FGF14: variants seen among roughly 807,000 people sequenced by gnomAD.
FGF14 encodes fibroblast growth factor 14.
FGF14 carries 5 observed loss-of-function variants against 25.5 expected under a neutral mutation model. The ratio of observed to expected loss-of-function variants is 0.20; its 90% CI spans 0.10 to 0.41. The LOEUF (loss-of-function observed/expected upper bound fraction) is 0.41, where lower values mean the gene tolerates loss of function less well. Ranked by LOEUF, FGF14 falls within the 10% of genes least tolerant of loss-of-function variation. FGF14 has a pLI of 1.00. For synonymous variants in FGF14, 138 were observed against 118.3 expected, an observed-to-expected ratio of 1.17 and a Z score of -1.08; for missense variants, 222 against 320.1, an observed-to-expected ratio of 0.69 and a Z score of 2.34.
At chr13:102,017,448 T>A (rs1462956010) in intron 1 of FGF14, among the ~76,000 whole-genome samples, 1 of 152,212 alleles carries the variant, frequency 6.6e-6, no homozygotes, top group Non-Finnish European at 1.5e-5. Context: ...CATTTACTGC[T>A]AGCATCCAGT....
intron 1 of FGF14, among the ~76,000 whole-genome samples, chr13:102,098,077 T>A (rs571996529): frequency 2.0e-5 from 3 of 152,300 alleles, no homozygotes; most frequent in Admixed American, 2.0e-4. Flanking sequence ...CTGAGTCCCA[T>A]CTCCAGCATT....
At chr13:101,805,149 G>A (rs2041123403) in intron 3 of FGF14, among the ~76,000 whole-genome samples, 1 of 152,086 alleles carries the variant, frequency 6.6e-6, no homozygotes, top group African/African-American at 2.4e-5. Flanking sequence ...AGTCTCAAAT[G>A]TTTGCTGTAT....
At chr13:102,262,789 T>C (rs1008314794) in intron 1 of FGF14, among the ~76,000 whole-genome samples, 1 of 152,202 alleles carries the variant, frequency 6.6e-6, no homozygotes, top group Non-Finnish European at 1.5e-5. Flanking sequence ...TTTATTTTGA[T>C]GCTTTTATTT....
intron 1 of FGF14, among the ~76,000 whole-genome samples, chr13:102,027,238 T>A (rs751418476): frequency 6.6e-6 from 1 of 150,906 alleles, no homozygotes; most frequent in Admixed American, 6.6e-5. Flanking sequence ...GACACACACA[T>A]ACACACACAC....
chr13:101,838,996 A>C (rs2043068384), intron 3 of FGF14, among the ~76,000 whole-genome samples: 1 of 151,970 alleles, frequency 6.6e-6, no homozygotes, highest in African/African-American at 2.4e-5. Context: ...AGATGCCCAG[A>C]CCCTTTCCCA....
At position 101,722,162 on chromosome 13, in the gene FGF14, T is replaced by C. The variant is rs1291364844; in HGVS notation, c.*669A>G. The stretch of plus-strand genomic sequence containing the variant: ...AGTATCTGCTACTGGACAGAGCGTA[T>C]ATGTGTGTTTAATCGATAGTGTGAG... On this transcript the variant is annotated 3_prime_UTR_variant, in exon 5 of 5. Coordinates refer to ENST00000376143, the MANE Select transcript of FGF14 (RefSeq NM_004115.4). The C allele has an allele frequency of 6.1e-6, 1 of 164,940 alleles. No individual in the cohort carries two copies. Among genetic ancestry groups the C allele is most frequent in the East Asian group, 1.8e-4 (1 of 5,692 alleles). The allele number at this position is 164,940 out of a possible 1,614,324, so 10.2% of individuals were successfully genotyped here.
intron 3 of FGF14, among the ~76,000 whole-genome samples, chr13:101,785,173 G>A (rs1047626180): frequency 1.3e-5 from 2 of 151,760 alleles, no homozygotes; most frequent in African/African-American, 4.8e-5. Flanking sequence ...ATGTGACATT[G>A]GTATATCTTT....
intron 1 of FGF14, among the ~76,000 whole-genome samples, chr13:101,896,933 C>A (rs2030778369): frequency 6.6e-6 from 1 of 152,096 alleles, no homozygotes; most frequent in South Asian, 2.1e-4. Flanking sequence ...ATCATTGAAA[C>A]TGCTTCTAGG....
At chr13:101,805,299 G>T (rs2041133371) in intron 3 of FGF14, among the ~76,000 whole-genome samples, 4 of 152,166 alleles carry the variant, frequency 2.6e-5, no homozygotes, top group Middle Eastern at 6.8e-3. Context: ...GGTCTACAAA[G>T]ATATTTATCA....
chr13:102,115,554 C>A (rs1320038372), intron 1 of FGF14, among the ~76,000 whole-genome samples: 1 of 152,060 alleles, frequency 6.6e-6, no homozygotes, highest in Non-Finnish European at 1.5e-5. Flanking sequence ...TGTCCTTTGC[C>A]CATTTGTTAA....
rs952395143 is a variant in FGF14 at position 101,868,761 on chromosome 13, A to G, written c.372T>C (p.Tyr124=). ...GGTAACCTTCTCCATTCATGGCTAT[A>G]TACAACCCTGTTTTCACTCCCTGGA... ...VAIQGVKTGL[Y]IAMNGEGYLY... Residue 124 remains tyrosine (Y), a synonymous_variant, in exon 3 of 5, where the codon TAT becomes TAC. Coordinates refer to ENST00000376143, the MANE Select transcript of FGF14 (RefSeq NM_004115.4). 1.2e-6 allele frequency: 2 copies of G among 1,613,496 alleles called. No homozygotes were observed. Among genetic ancestry groups the G allele is most frequent in the African/African-American group, 2.7e-5 (2 of 74,916 alleles).
At chr13:102,235,749 G>A (rs1421444682) in intron 1 of FGF14, among the ~76,000 whole-genome samples, 1 of 152,160 alleles carries the variant, frequency 6.6e-6, no homozygotes, top group Non-Finnish European at 1.5e-5. Context: ...GGGATTGTCA[G>A]AGGCACTGAA....
chr13:102,133,859 A>T (rs2140424016), intron 1 of FGF14, among the ~76,000 whole-genome samples: 1 of 152,302 alleles, frequency 6.6e-6, no homozygotes, highest in Middle Eastern at 3.4e-3. Context: ...GTCAGTGTGC[A>T]TGGGGAATGG....
At chr13:101,980,630 A>G (rs1241205416) in intron 1 of FGF14, among the ~76,000 whole-genome samples, 2 of 152,184 alleles carry the variant, frequency 1.3e-5, no homozygotes, top group African/African-American at 4.8e-5. Context: ...CAATATTCCA[A>G]TACATTTGCT....
intron 1 of FGF14, among the ~76,000 whole-genome samples, chr13:101,956,753 T>C (rs951274403): frequency 5.0e-4 from 71 of 141,948 alleles, no homozygotes; most frequent in Admixed American, 2.8e-3. Flanking sequence ...TATCTTCAGA[T>C]ATTATTCACT....
chr13:102,274,625 T>A (rs946962345), intron 1 of FGF14, among the ~76,000 whole-genome samples: 7 of 152,202 alleles, frequency 4.6e-5, no homozygotes, highest in African/African-American at 1.7e-4. Context: ...TATAATATAT[T>A]TTTTAAAGAA....
chr13:102,102,734 T>G (rs186503716), intron 1 of FGF14, among the ~76,000 whole-genome samples: 218 of 152,338 alleles, frequency 1.4e-3, no homozygotes, highest in Non-Finnish European at 2.4e-3. Context: ...ATGGTATCCT[T>G]CTAACCTTCT....
chr13:102,028,198 G>C (rs912256210), intron 1 of FGF14, among the ~76,000 whole-genome samples: 2 of 152,050 alleles, frequency 1.3e-5, no homozygotes, highest in African/African-American at 4.8e-5. Context: ...CTGCATGCTT[G>C]TGCTTCCCCC....
At chr13:102,219,161 C>G (rs1328229896) in intron 1 of FGF14, among the ~76,000 whole-genome samples, 1 of 152,200 alleles carries the variant, frequency 6.6e-6, no homozygotes, top group Admixed American at 6.5e-5. Flanking sequence ...TGTGCTAACT[C>G]AAATTGTCCT....
Sources: gnomAD v4.1 joint callset for allele counts (sites outside exome capture counted in the v4.1 genomes callset) on GRCh38, gnomAD v4.1.1 for gene constraint, MANE v1.5 for transcripts, NCBI Gene and HGNC (gene_info 2026-07-23, HGNC 2026-07-21) for gene names.